GALNT18: variants seen among roughly 807,000 people sequenced by gnomAD.
GALNT18 encodes GalNAc-transferase 18.
A neutral mutation model predicts 69.5 loss-of-function variants in GALNT18; 44 were observed. The ratio of observed to expected loss-of-function variants is 0.63; its 90% CI spans 0.50 to 0.81. The LOEUF is 0.81. Among genes scored for constraint, GALNT18 ranks in the 40% least tolerant of loss-of-function variants. The pLI is 0.00. For synonymous variants in GALNT18, 364 were observed against 318.2 expected (o/e 1.14, Z -1.53); for missense variants, 715 against 810.0 (o/e 0.88, Z 1.42).
intron 1 of GALNT18, among the ~76,000 whole-genome samples, chr11:11,518,350 C>T (rs77553546): frequency 0.013 from 1,982 of 152,304 alleles, 47 homozygotes; most frequent in African/African-American, 0.045. Context: ...TTAACACAAC[C>T]GTGGATCACT....
Position 11,332,718 on chromosome 11 carries a change from G to A in GALNT18, c.1392C>T (p.Tyr464=). ...CCACTCCATAGGCAATGATGTCGGA[G>A]TACATCCTCATCTCTGGGTACACGC... is the stretch of plus-strand genomic sequence containing the variant. ...LVSVYPEMRM[Y]SDIIAYGVLQ... Residue 464 remains tyrosine, a synonymous_variant, in exon 8 of 11, where the codon TAC becomes TAT. Coordinates refer to ENST00000227756, the MANE Select transcript of GALNT18 (RefSeq NM_198516.3). The surrounding 1 kb of genome is among the most constrained non-coding windows in gnomAD (Gnocchi z 4.3). 5.0e-6 allele frequency: 8 copies of A among 1,614,150 alleles called. No individual in the cohort carries two copies. Among genetic ancestry groups the A allele is most frequent in the Non-Finnish European group, 6.8e-6 (8 of 1,180,012 alleles).
chr11:11,504,439 G>GA (rs11379207), intron 1 of GALNT18, among the ~76,000 whole-genome samples: 89,975 of 150,126 alleles, frequency 0.6, 27,032 homozygotes, highest in Middle Eastern at 0.68. Flanking sequence ...TTATTGAAAA[G>GA]AAAAAAAAAA....
chr11:11,393,941 A>T (rs1854257621), intron 3 of GALNT18, among the ~76,000 whole-genome samples: 1 of 152,164 alleles, frequency 6.6e-6, no homozygotes, highest in African/African-American at 2.4e-5. Flanking sequence ...CCTTTCATTC[A>T]TGTGTTCAAC....
At chr11:11,273,359 G>A (rs1024600482) in intron 10 of GALNT18, among the ~76,000 whole-genome samples, 14 of 130,172 alleles carry the variant, frequency 1.1e-4, no homozygotes, top group African/African-American at 3.6e-4. Flanking sequence ...ATAGCAAGAA[G>A]GCAAAAAATC....
At chr11:11,426,485 A>G (rs1855133167) in intron 3 of GALNT18, among the ~76,000 whole-genome samples, 2 of 152,248 alleles carry the variant, frequency 1.3e-5, no homozygotes, top group African/African-American at 4.8e-5. Context: ...CCCCAGATCT[A>G]CAGATTCAAA....
At position 11,356,932 on chromosome 11, in the gene GALNT18, A is replaced by G. The variant is rs1242661175; in HGVS notation, c.1092+15583T>C. ...ACGTACTTTTAAACTGCGTCTACTCAGCTGCTGGTTTGTAATTGCAAAGAG... is the reference window on the plus strand; with the variant it reads ...ACGTACTTTTAAACTGCGTCTACTCGGCTGCTGGTTTGTAATTGCAAAGAG... On this transcript the variant is annotated intron_variant, in intron 6 of 10. Coordinates refer to ENST00000227756, the MANE Select transcript of GALNT18 (RefSeq NM_198516.3). This position sits in a 1 kb window ranked among gnomAD's most constrained non-coding sequence, Gnocchi z 4.4. Among the ~76,000 whole-genome samples, 3 of 152,132 alleles carry G rather than the reference A, an allele frequency of 2.0e-5. No homozygotes were observed. The highest frequency in any genetic ancestry group is 4.4e-5 in the Non-Finnish European group (3 of 68,024).
chr11:11,300,798 G>A (rs1402660867), intron 9 of GALNT18, among the ~76,000 whole-genome samples: 3 of 152,182 alleles, frequency 2.0e-5, no homozygotes, highest in Non-Finnish European at 4.4e-5. Context: ...AATCACCTGG[G>A]GAGCTTTAAA....
Position 11,270,901 on chromosome 11 carries a change from A to C in GALNT18, c.*243T>G, listed in dbSNP as rs1848811330. 2.6e-6 allele frequency: 1 copy of C among 391,044 alleles called. No homozygotes were observed. The highest frequency in any genetic ancestry group is 2.0e-5 in the African/African-American group (1 of 50,062). 24.2% of individuals were successfully genotyped at this position (391,044 alleles called of 1,614,324 possible). A position where few individuals can be genotyped will look rare whatever the true frequency, so the allele number is the denominator to read the frequency against. On this transcript the variant is annotated 3_prime_UTR_variant, in exon 11 of 11. Coordinates refer to ENST00000227756, the MANE Select transcript of GALNT18 (RefSeq NM_198516.3). The stretch of plus-strand genomic sequence containing the variant: ...CTTTTCTTAATAATATTTTATTGTC[A>C]GTTATAAATATTTTCCATCTGTCCC...
rs1231871293 is a variant in GALNT18 at position 11,377,710 on chromosome 11, G to T, written c.780-331C>A. 2.0e-5 allele frequency among the ~76,000 whole-genome samples: 3 copies of T among 151,766 alleles called. No homozygotes were observed. Among genetic ancestry groups the T allele is most frequent in the Admixed American group, 2.0e-4 (3 of 15,230 alleles). ...AAGACTCAAAAAAGAAGAAAAAGAA[G>T]AAAGAAACAGATCTGAGGCTCCAGA... is the stretch of plus-strand genomic sequence containing the variant. On this transcript the variant is annotated intron_variant, in intron 4 of 10. Transcript: ENST00000227756. The surrounding 1 kb of genome is among the most constrained non-coding windows in gnomAD (Gnocchi z 4.6).
chr11:11,328,093 C>T (rs1849956505), intron 8 of GALNT18, among the ~76,000 whole-genome samples: 1 of 152,088 alleles, frequency 6.6e-6, no homozygotes, highest in Admixed American at 6.5e-5. Context: ...TTCTGTTGGC[C>T]ATGGCCATGT....
chr11:11,346,833 T>C (rs534110166), intron 6 of GALNT18, among the ~76,000 whole-genome samples: 18 of 152,198 alleles, frequency 1.2e-4, no homozygotes, highest in African/African-American at 4.1e-4. Flanking sequence ...CACCCAGAAA[T>C]ACAAGAAAGC....
At chr11:11,345,636 C>T (rs1850288887) in intron 6 of GALNT18, among the ~76,000 whole-genome samples, 1 of 152,078 alleles carries the variant, frequency 6.6e-6, no homozygotes, top group Non-Finnish European at 1.5e-5. Context: ...GGAGGATATA[C>T]ACAGGAAGGC....
At chr11:11,495,067 A>T (rs1856844025) in intron 1 of GALNT18, among the ~76,000 whole-genome samples, 1 of 152,106 alleles carries the variant, frequency 6.6e-6, no homozygotes, top group Non-Finnish European at 1.5e-5. Context: ...ATTACATCTT[A>T]AATAAAAAAT....
Position 11,562,446 on chromosome 11 carries a change from T to C in GALNT18, c.235+58913A>G, listed in dbSNP as rs555329573. On this transcript the variant is annotated intron_variant, in intron 1 of 10. Coordinates refer to ENST00000227756, the MANE Select transcript of GALNT18 (RefSeq NM_198516.3). The surrounding 1 kb of genome is among the most constrained non-coding windows in gnomAD (Gnocchi z 4.1). Reference sequence around the variant, plus strand: ...CCAAATAAGGTTACATTCTGAGGTATTAGGGGTGAGGACTCCAAAATATTG... The same window carrying C: ...CCAAATAAGGTTACATTCTGAGGTACTAGGGGTGAGGACTCCAAAATATTG... 8.5e-5 allele frequency among the ~76,000 whole-genome samples: 13 copies of C among 152,220 alleles called. No homozygotes were observed. In the South Asian group the frequency reaches 2.7e-3, roughly 32 times the overall value.
intron 10 of GALNT18, among the ~76,000 whole-genome samples, chr11:11,287,969 T>C (rs955885133): frequency 1.1e-4 from 17 of 152,144 alleles, no homozygotes; most frequent in Admixed American, 1.1e-3. Flanking sequence ...TAGCTGCATG[T>C]CCCCACACCC....
chr11:11,519,349 G>A (rs1669893117), intron 1 of GALNT18, among the ~76,000 whole-genome samples: 1 of 152,222 alleles, frequency 6.6e-6, no homozygotes, highest in Non-Finnish European at 1.5e-5. Flanking sequence ...GGGGTCAAGG[G>A]AGAGAGTCCT....
At chr11:11,489,091 G>A (rs1256366254) in intron 1 of GALNT18, among the ~76,000 whole-genome samples, 1 of 152,216 alleles carries the variant, frequency 6.6e-6, no homozygotes, top group Non-Finnish European at 1.5e-5. Flanking sequence ...GAAAGAAAGT[G>A]ACTTGGTAAT....
In GALNT18 at chr11:11,290,525, G is replaced by A. The variant is rs114272433; in HGVS notation, c.1677+2504C>T. Among the ~76,000 whole-genome samples, 683 of 152,262 alleles carry A rather than the reference G, an allele frequency of 4.5e-3. 10 individuals carry two copies. Among genetic ancestry groups the A allele is most frequent in the African/African-American group, 0.016 (649 of 41,548 alleles). The stretch of plus-strand genomic sequence containing the variant: ...CAGCCGCTCCCCACTGTGCCCTCCA[G>A]GATCGGCCACCCCTGACTCCCGGCA... On this transcript the variant is annotated intron_variant, in intron 10 of 10. Coordinates refer to ENST00000227756, the MANE Select transcript of GALNT18 (RefSeq NM_198516.3).
At chr11:11,364,540 C>G (rs1023843380) in intron 6 of GALNT18, among the ~76,000 whole-genome samples, 1 of 145,394 alleles carries the variant, frequency 6.9e-6, no homozygotes, top group Non-Finnish European at 1.5e-5. Flanking sequence ...TCTTCAAAAA[C>G]GAAATTACAA....
Sources: gnomAD v4.1 joint callset for allele counts (sites outside exome capture counted in the v4.1 genomes callset) on GRCh38, gnomAD v4.1.1 for gene constraint, Gnocchi (gnomAD v3.1) non-coding constraint, MANE v1.5 for transcripts, NCBI Gene and HGNC (gene_info 2026-07-23, HGNC 2026-07-21) for gene names.